MAGI2: variants seen among roughly 807,000 people sequenced by gnomAD.
The protein encoded by MAGI2 is membrane-associated guanylate kinase, WW and PDZ domain-containing protein 2.
In MAGI2, 35 loss-of-function variants were observed where a neutral mutation model predicts 133.3. That is an observed-to-expected ratio of 0.26 (90% confidence interval 0.20 to 0.35). The LOEUF is 0.35. Among genes scored for constraint, MAGI2 ranks in the 10% least tolerant of loss-of-function variants. MAGI2 has a pLI of 1.00. For missense variants in MAGI2, 1,636 were observed against 1,863.4 expected (o/e 0.88, Z 2.25); for synonymous variants, 729 against 710.6 (o/e 1.03, Z -0.41).
At chr7:78,954,663 G>T (rs573235668) in intron 2 of MAGI2, among the ~76,000 whole-genome samples, 1 of 152,108 alleles carries the variant, frequency 6.6e-6, no homozygotes, top group Admixed American at 6.6e-5. Flanking sequence ...CTGGCCAAAG[G>T]TCTAGAGAAT....
chr7:78,788,427 G>T (rs1827008074), intron 2 of MAGI2, among the ~76,000 whole-genome samples: 1 of 151,736 alleles, frequency 6.6e-6, no homozygotes, highest in Admixed American at 6.6e-5. Context: ...CATTTTATTT[G>T]GTCTTTTTAT....
chr7:78,740,550 A>T (rs1437876871), intron 2 of MAGI2, among the ~76,000 whole-genome samples: 8 of 152,330 alleles, frequency 5.3e-5, no homozygotes, highest in African/African-American at 1.9e-4. Flanking sequence ...CAGCACAGTT[A>T]TGTCAGATGA....
At chr7:78,894,287 AGCTACTCCGGAGGCTGAG>A (rs1419276335) in intron 2 of MAGI2, among the ~76,000 whole-genome samples, 1 of 152,164 alleles carries the variant, frequency 6.6e-6, no homozygotes, top group Non-Finnish European at 1.5e-5. Context: ...CTGTAGTCCC[AGCTACTCCGGAGGCTGAG>A]GCAGGAGAAT....
chr7:78,640,595 A>G (rs1273667794), intron 2 of MAGI2, among the ~76,000 whole-genome samples: 7 of 147,370 alleles, frequency 4.7e-5, no homozygotes, highest in Non-Finnish European at 1.0e-4. Flanking sequence ...GCCAGGACTA[A>G]TAGAGACATA....
intron 6 of MAGI2, among the ~76,000 whole-genome samples, chr7:78,465,780 T>G (rs1790560254): frequency 6.6e-6 from 1 of 152,192 alleles, no homozygotes; most frequent in South Asian, 2.1e-4. Flanking sequence ...GCTAGCTCCA[T>G]CATCATCCAG....
chr7:78,668,175 G>C (rs1813869759), intron 2 of MAGI2, among the ~76,000 whole-genome samples: 1 of 152,080 alleles, frequency 6.6e-6, no homozygotes, highest in South Asian at 2.1e-4. Context: ...GTGTTTTTTG[G>C]CTGCATAAAT....
intron 1 of MAGI2, among the ~76,000 whole-genome samples, chr7:79,266,644 C>T (rs1306954974): frequency 1.3e-5 from 2 of 152,160 alleles, no homozygotes; most frequent in Non-Finnish European, 2.9e-5. Context: ...AAGCCAGCTA[C>T]ATGACATGGC....
At chr7:79,291,801 T>C (rs559200292) in intron 1 of MAGI2, among the ~76,000 whole-genome samples, 2 of 152,312 alleles carry the variant, frequency 1.3e-5, no homozygotes, top group South Asian at 4.1e-4. Context: ...GTTTGTTATA[T>C]AGACTATATA....
At chr7:78,392,319 A>T (rs7790008) in intron 6 of MAGI2, among the ~76,000 whole-genome samples, 41,866 of 151,996 alleles carry the variant, frequency 0.28, 6,930 homozygotes, top group East Asian at 0.62. Context: ...AAAAAATAGA[A>T]GTGGGGGCTG....
chr7:78,812,837 G>A (rs1789195995), intron 2 of MAGI2, among the ~76,000 whole-genome samples: 2 of 152,080 alleles, frequency 1.3e-5, no homozygotes, highest in South Asian at 2.1e-4. Context: ...GCTTGGATGT[G>A]GTTTTAGGAA....
chr7:79,300,763 T>C (rs1004764725), intron 1 of MAGI2, among the ~76,000 whole-genome samples: 5 of 152,182 alleles, frequency 3.3e-5, no homozygotes, highest in Non-Finnish European at 4.4e-5. Context: ...CCTGAAGGCA[T>C]TTCAGAGACC....
chr7:79,180,487 C>T (rs958831001), intron 1 of MAGI2, among the ~76,000 whole-genome samples: 31 of 151,990 alleles, frequency 2.0e-4, no homozygotes, highest in African/African-American at 7.5e-4. Context: ...TCATCAGCTC[C>T]CATGAGACTT....
intron 3 of MAGI2, among the ~76,000 whole-genome samples, chr7:78,531,215 GTT>G (rs373643954): frequency 8.3e-4 from 113 of 135,640 alleles, no homozygotes; most frequent in African/African-American, 2.8e-3. Flanking sequence ...TATTAATTAA[GTT>G]TTTTTTTTTT....
intron 10 of MAGI2, among the ~76,000 whole-genome samples, chr7:78,239,549 A>G (rs1401071928): frequency 1.3e-5 from 1 of 78,298 alleles, no homozygotes; most frequent in East Asian, 2.9e-4. Flanking sequence ...AAGGAACTCA[A>G]ATAACTCAAT....
At chr7:78,583,077 A>C (rs1350080208) in intron 3 of MAGI2, among the ~76,000 whole-genome samples, 1 of 152,210 alleles carries the variant, frequency 6.6e-6, no homozygotes, top group African/African-American at 2.4e-5. Flanking sequence ...ACACGGAGGA[A>C]GTGTGAGTAT....
chr7:78,466,316 G>A (rs1790627419), intron 6 of MAGI2, among the ~76,000 whole-genome samples: 2 of 152,200 alleles, frequency 1.3e-5, no homozygotes, highest in South Asian at 2.1e-4. Flanking sequence ...AAAGAGGACA[G>A]ATTCTGTGTC....
At chr7:79,312,410 T>C (rs898216359) in intron 1 of MAGI2, among the ~76,000 whole-genome samples, 2 of 152,174 alleles carry the variant, frequency 1.3e-5, no homozygotes, top group African/African-American at 4.8e-5. Flanking sequence ...CTATGTGAAA[T>C]GCTTCCCCTG....
chr7:78,737,733 TA>T (rs1218383807), intron 2 of MAGI2, among the ~76,000 whole-genome samples: 7 of 152,150 alleles, frequency 4.6e-5, no homozygotes, highest in African/African-American at 1.7e-4. Flanking sequence ...TTATGTCTCA[TA>T]AAAATTGTTT....
intron 2 of MAGI2, among the ~76,000 whole-genome samples, chr7:78,748,911 G>A (rs1046587387): frequency 2.0e-5 from 3 of 152,116 alleles, no homozygotes; most frequent in African/African-American, 7.2e-5. Flanking sequence ...AAAGTTCTGT[G>A]TAAGCATATT....
Sources: allele counts gnomAD v4.1 joint callset (sites outside exome capture counted in the v4.1 genomes callset), GRCh38; gene constraint gnomAD v4.1.1; transcripts MANE v1.5; gene names NCBI Gene and HGNC (gene_info 2026-07-23, HGNC 2026-07-21).